Variants in MDGA2 observed in about 807,000 individuals in gnomAD.
MDGA2 encodes MAM domain containing glycosylphosphatidylinositol anchor 2, also known as MAM domain-containing glycosylphosphatidylinositol anchor protein 2.
In MDGA2, 40 loss-of-function variants were observed where a neutral mutation model predicts 117.8. That is an observed-to-expected ratio of 0.34 (90% CI 0.26 to 0.44). The LOEUF (loss-of-function observed/expected upper bound fraction) is 0.44. MDGA2 is among the 20% of genes least tolerant of loss of function. The pLI is 1.00. For synonymous variants in MDGA2, 452 were observed against 439.0 expected, an observed-to-expected ratio of 1.03 and a Z score of -0.37; for missense variants, 1,123 against 1,250.6, an observed-to-expected ratio of 0.90 and a Z score of 1.54.
At chr14:47,504,447 T>C (rs1298096570) in intron 1 of MDGA2, among the ~76,000 whole-genome samples, 2 of 152,186 alleles carry the variant, frequency 1.3e-5, no homozygotes, top group African/African-American at 2.4e-5. Context: ...TAGTGAATTA[T>C]ATTGTAATAT....
At position 47,253,745 on chromosome 14, in the gene MDGA2, A is replaced by AG. The variant is rs556200765; in HGVS notation, c.421-35551_421-35550insC. On this transcript the variant is annotated intron_variant, in intron 2 of 16. Coordinates refer to ENST00000399232, the MANE Select transcript of MDGA2 (RefSeq NM_001113498.3). ...CACAGCTCCACTAGGCAGTGCCCCC[A>AG]TGGAGACTCTGTGTGGGGGCTCCAA... 2.2e-4 allele frequency among the ~76,000 whole-genome samples: 33 copies of AG among 152,250 alleles called. No homozygotes were observed. In the South Asian group the frequency reaches 6.4e-3, roughly 30 times the overall value.
chr14:47,139,827 T>C (rs141599060), intron 4 of MDGA2, among the ~76,000 whole-genome samples: 12 of 138,342 alleles, frequency 8.7e-5, no homozygotes, highest in Non-Finnish European at 1.5e-4. Context: ...CACATATATA[T>C]ACACATATAT....
intron 8 of MDGA2, among the ~76,000 whole-genome samples, chr14:47,016,158 T>C (rs1888075763): frequency 2.0e-5 from 3 of 152,194 alleles, no homozygotes; most frequent in South Asian, 4.1e-4. Flanking sequence ...GTGGATTCCA[T>C]CTCTTTTAGT....
chr14:47,028,513 T>C (rs962363552), intron 8 of MDGA2, among the ~76,000 whole-genome samples: 1 of 152,172 alleles, frequency 6.6e-6, no homozygotes, highest in Non-Finnish European at 1.5e-5. Context: ...TATCATCTAA[T>C]GTGTGTCTTC....
intron 8 of MDGA2, among the ~76,000 whole-genome samples, chr14:47,015,835 AC>A (rs1358966027): frequency 6.6e-6 from 1 of 152,062 alleles, no homozygotes; most frequent in Non-Finnish European, 1.5e-5. Flanking sequence ...GAAAAAATAA[AC>A]CCCCAAAATG....
At chr14:47,079,876 C>T (rs1339957817) in intron 6 of MDGA2, among the ~76,000 whole-genome samples, 6 of 151,756 alleles carry the variant, frequency 4.0e-5, no homozygotes, top group East Asian at 3.9e-4. Context: ...GGACTACAGG[C>T]GCCCGCCACC....
intron 1 of MDGA2, among the ~76,000 whole-genome samples, chr14:47,374,152 T>C (rs1054017886): frequency 1.3e-5 from 2 of 152,152 alleles, no homozygotes; most frequent in African/African-American, 4.8e-5. Context: ...ACATCATCTT[T>C]AATGTTATGA....
intron 1 of MDGA2, among the ~76,000 whole-genome samples, chr14:47,545,322 C>G (rs1594910049): frequency 1.3e-5 from 2 of 152,272 alleles, no homozygotes; most frequent in South Asian, 4.1e-4. Flanking sequence ...TAAAATCCAT[C>G]AACACACACT....
At chr14:47,086,305 C>T (rs555553685) in intron 6 of MDGA2, among the ~76,000 whole-genome samples, 107 of 151,560 alleles carry the variant, frequency 7.1e-4, no homozygotes, top group Non-Finnish European at 1.2e-3. Flanking sequence ...AAGAAATTAT[C>T]CTATAGAATC....
chr14:47,297,866 A>C (rs534889989), intron 2 of MDGA2, among the ~76,000 whole-genome samples: 2 of 152,320 alleles, frequency 1.3e-5, no homozygotes, highest in South Asian at 4.1e-4. Context: ...ATACCTACAC[A>C]TCCAAATCTA....
chr14:47,430,745 T>C (rs1396211725), intron 1 of MDGA2, among the ~76,000 whole-genome samples: 2 of 152,262 alleles, frequency 1.3e-5, no homozygotes, highest in Non-Finnish European at 2.9e-5. Context: ...TCTTATTCAT[T>C]CAAATGATGG....
chr14:47,394,945 G>C (rs961795696), intron 1 of MDGA2, among the ~76,000 whole-genome samples: 1 of 152,150 alleles, frequency 6.6e-6, no homozygotes, highest in Non-Finnish European at 1.5e-5. Context: ...TTGAGGGCAG[G>C]AGTTCAAGAC....
At chr14:47,064,273 G>C (rs1889999340) in intron 6 of MDGA2, among the ~76,000 whole-genome samples, 1 of 151,946 alleles carries the variant, frequency 6.6e-6, no homozygotes, top group East Asian at 1.9e-4. Context: ...AATTGTACTA[G>C]TCTTCTGAAT....
At chr14:46,903,141 GTTGTT>G (rs1209511427) in intron 10 of MDGA2, among the ~76,000 whole-genome samples, 1 of 152,002 alleles carries the variant, frequency 6.6e-6, no homozygotes, top group Non-Finnish European at 1.5e-5. Context: ...TTTTGTTGTT[GTTGTT>G]TTGTTTTTTT....
intron 8 of MDGA2, among the ~76,000 whole-genome samples, chr14:46,982,221 T>A (rs1455060971): frequency 2.0e-5 from 3 of 152,166 alleles, no homozygotes; most frequent in Non-Finnish European, 4.4e-5. Flanking sequence ...ATGAAAAGAC[T>A]AGTATGGTAA....
chr14:46,877,146 C>T (rs1055311131), intron 12 of MDGA2, among the ~76,000 whole-genome samples: 10 of 151,282 alleles, frequency 6.6e-5, no homozygotes, highest in African/African-American at 2.4e-4. Flanking sequence ...GAAGGAAAAT[C>T]AAAGAAACGT....
chr14:47,039,349 T>G (rs1415639227), intron 7 of MDGA2, among the ~76,000 whole-genome samples: 2 of 152,248 alleles, frequency 1.3e-5, no homozygotes, highest in African/African-American at 4.8e-5. Flanking sequence ...TGTTTCACCA[T>G]TTCCTCTTGT....
intron 8 of MDGA2, among the ~76,000 whole-genome samples, chr14:47,020,342 CTA>C (rs1286748637): frequency 1.3e-5 from 2 of 152,126 alleles, no homozygotes; most frequent in Non-Finnish European, 2.9e-5. Context: ...TGTCAAAACT[CTA>C]TAATTATGGT....
chr14:47,441,076 G>A (rs1413653859), intron 1 of MDGA2, among the ~76,000 whole-genome samples: 1 of 152,094 alleles, frequency 6.6e-6, no homozygotes, highest in Non-Finnish European at 1.5e-5. Context: ...CAAATAGAAT[G>A]ATAAACACAA....
Sources: gnomAD v4.1 joint callset for allele counts (sites outside exome capture counted in the v4.1 genomes callset) on GRCh38, gnomAD v4.1.1 for gene constraint, MANE v1.5 for transcripts, NCBI Gene and HGNC (gene_info 2026-07-23, HGNC 2026-07-21) for gene names.